CLPB: variants seen among roughly 807,000 people sequenced by gnomAD.
The protein encoded by CLPB is ClpB family mitochondrial disaggregase.
CLPB carries 40 observed loss-of-function variants against 78.4 expected under a neutral mutation model. That is an observed-to-expected ratio of 0.51 (90% CI 0.40 to 0.66). The LOEUF is 0.66. CLPB is among the 30% of genes least tolerant of loss of function. The pLI is 0.00. For missense variants in CLPB, 780 were observed against 886.9 expected (o/e 0.88, Z 1.53); for synonymous variants, 333 against 348.0 (o/e 0.96, Z 0.48).
intron 2 of CLPB, among the ~76,000 whole-genome samples, chr11:72,417,669 G>A (rs756847480): frequency 6.6e-6 from 1 of 152,186 alleles, no homozygotes; most frequent in Non-Finnish European, 1.5e-5. Context: ...TCTTCAGGAG[G>A]CAGAGAGTGC....
At chr11:72,408,253 A>G (rs1395277067) in intron 2 of CLPB, 1 of 1,297,728 alleles carries the variant, frequency 7.7e-7, no homozygotes, top group South Asian at 1.3e-5. Flanking sequence ...CAAAGGCTGG[A>G]GTTCAGATTC....
intron 3 of CLPB, among the ~76,000 whole-genome samples, chr11:72,386,247 A>T (rs1433515895): frequency 2.0e-5 from 3 of 151,994 alleles, no homozygotes; most frequent in Non-Finnish European, 4.4e-5. Context: ...GAATTTTTTT[A>T]AAATATGTTT....
intron 4 of CLPB, among the ~76,000 whole-genome samples, chr11:72,376,393 G>A (rs778264152): frequency 1.1e-4 from 17 of 152,068 alleles, no homozygotes; most frequent in Non-Finnish European, 2.1e-4. Context: ...TTAGGCTGAT[G>A]AGAGAGAAGA....
intron 4 of CLPB, among the ~76,000 whole-genome samples, chr11:72,376,698 G>A (rs968726703): frequency 1.3e-5 from 2 of 151,798 alleles, no homozygotes; most frequent in African/African-American, 4.8e-5. Context: ...TTGAGACAGG[G>A]TCTTGCTCTG....
chr11:72,385,970 T>C (rs1855063359), intron 3 of CLPB, among the ~76,000 whole-genome samples: 1 of 152,214 alleles, frequency 6.6e-6, no homozygotes. Context: ...GATTATTTCC[T>C]TTGGATAAAT....
intron 5 of CLPB, among the ~76,000 whole-genome samples, chr11:72,347,256 C>T (rs1005258798): frequency 2.0e-5 from 3 of 152,096 alleles, no homozygotes; most frequent in Admixed American, 2.0e-4. Context: ...AAAGTATCTC[C>T]TCACAGCCTG....
Position 72,370,403 on chromosome 11 carries a change from C to T in CLPB, c.646+9878G>A, listed in dbSNP as rs185451120. Among the ~76,000 whole-genome samples the T allele has an allele frequency of 1.8e-3, 274 of 152,186 alleles. 4 individuals carry two copies. The highest frequency in any genetic ancestry group is 2.2e-3 in the Non-Finnish European group (152 of 68,018). On this transcript the variant is annotated intron_variant, in intron 4 of 15. Transcript: ENST00000538039. Reference sequence around the variant, plus strand: ...TGATTCATTTAATCATGCAGTTGGCCAAAATGTATCCTGGTAACTCTATGG... The same window carrying T: ...TGATTCATTTAATCATGCAGTTGGCTAAAATGTATCCTGGTAACTCTATGG...
intron 8 of CLPB, 110 bp downstream of exon 8, chr11:72,308,417 G>T: frequency 2.3e-6 from 2 of 858,838 alleles, no homozygotes; most frequent in South Asian, 1.4e-5. Flanking sequence ...AGCTCAAGTT[G>T]ACCTAGAGCT....
At chr11:72,346,579 CTA>C (rs1950518053) in intron 5 of CLPB, among the ~76,000 whole-genome samples, 1 of 149,558 alleles carries the variant, frequency 6.7e-6, no homozygotes, top group Admixed American at 6.6e-5. Context: ...TAAGAAAATG[CTA>C]TATGTTAAAA....
At chr11:72,349,745 C>T (rs1456214652) in intron 5 of CLPB, among the ~76,000 whole-genome samples, 2 of 152,238 alleles carry the variant, frequency 1.3e-5, no homozygotes, top group African/African-American at 2.4e-5. Flanking sequence ...ACAGCACATA[C>T]GCTGGAGGGG....
chr11:72,354,277 G>GTGTA (rs1950665798), intron 5 of CLPB: 1 of 374,316 alleles, frequency 2.7e-6, no homozygotes. Flanking sequence ...GTGTGTGTGT[G>GTGTA]TATATATATA....
intron 3 of CLPB, among the ~76,000 whole-genome samples, chr11:72,396,985 G>A (rs1855424260): frequency 6.6e-6 from 1 of 152,122 alleles, no homozygotes; most frequent in African/African-American, 2.4e-5. Flanking sequence ...AATGAATTTT[G>A]ATAATTATAT....
At chr11:72,368,717 C>T (rs1950988493) in intron 4 of CLPB, among the ~76,000 whole-genome samples, 1 of 152,150 alleles carries the variant, frequency 6.6e-6, no homozygotes, top group Non-Finnish European at 1.5e-5. Context: ...TGTTAAGCTT[C>T]CTCAGGCAGG....
intron 6 of CLPB, among the ~76,000 whole-genome samples, chr11:72,318,587 C>T (rs1351517373): frequency 6.6e-6 from 1 of 152,216 alleles, no homozygotes; most frequent in African/African-American, 2.4e-5. Context: ...GTTGTGGTTG[C>T]AGATTGCTCT....
chr11:72,417,044 T>C (rs1856047061), intron 2 of CLPB, among the ~76,000 whole-genome samples: 1 of 152,214 alleles, frequency 6.6e-6, no homozygotes, highest in African/African-American at 2.4e-5. Context: ...ACAGTTACTC[T>C]ATGGCCCAGC....
In CLPB at chr11:72,434,508, GC is replaced by G. The variant is rs1476617806; in HGVS notation, c.-35del. 4 of 1,516,000 alleles carry G rather than the reference GC, an allele frequency of 2.6e-6. No individual in the cohort carries two copies. The highest frequency in any genetic ancestry group is 1.3e-5 in the South Asian group (1 of 75,998). The allele number at this position is 1,516,000 out of a possible 1,614,324, so 93.9% of individuals were successfully genotyped here. On this transcript the variant is annotated 5_prime_UTR_variant, in exon 1 of 16. Coordinates refer to ENST00000538039, the MANE Select transcript of CLPB (RefSeq NM_001258392.3). ...CTGCTTCGATAACCCCGTGGTGCCG[GC>G]CCCTGTGCTGACCACGTCCAACATG...
At chr11:72,428,472 C>T (rs1856451455) in intron 2 of CLPB, among the ~76,000 whole-genome samples, 1 of 152,234 alleles carries the variant, frequency 6.6e-6, no homozygotes, top group African/African-American at 2.4e-5. Context: ...TCTTTTCTGA[C>T]ACCCTGTACA....
intron 2 of CLPB, among the ~76,000 whole-genome samples, chr11:72,405,900 C>T (rs924935971): frequency 6.6e-6 from 1 of 151,744 alleles, no homozygotes; most frequent in Non-Finnish European, 1.5e-5. Context: ...TGCACGCCAG[C>T]CCGGGCGACA....
At chr11:72,368,488 A>G (rs1371741547) in intron 4 of CLPB, among the ~76,000 whole-genome samples, 7 of 152,334 alleles carry the variant, frequency 4.6e-5, no homozygotes, top group Admixed American at 1.3e-4. Context: ...CTAAGTGATT[A>G]CATGGCTTTA....
Sources: gnomAD v4.1 joint callset for allele counts (sites outside exome capture counted in the v4.1 genomes callset) on GRCh38, gnomAD v4.1.1 for gene constraint, MANE v1.5 for transcripts, NCBI Gene and HGNC (gene_info 2026-07-23, HGNC 2026-07-21) for gene names.